The following MAGI2 variants were observed in gnomAD, a reference collection of about 807,000 sequenced individuals.
MAGI2 encodes the protein membrane-associated guanylate kinase, WW and PDZ domain-containing protein 2.
MAGI2 carries 35 observed loss-of-function variants against 133.3 expected under a neutral mutation model. The observed-to-expected ratio is 0.26, with a 90% CI of 0.20 to 0.35. The LOEUF (loss-of-function observed/expected upper bound fraction) is 0.35, where lower values mean the gene tolerates loss of function less well. MAGI2 is among the 10% of genes least tolerant of loss of function. The pLI is 1.00. For synonymous variants in MAGI2, 729 were observed against 710.6 expected (o/e 1.03, Z -0.41); for missense variants, 1,636 against 1,863.4 (o/e 0.88, Z 2.25).
intron 6 of MAGI2, among the ~76,000 whole-genome samples, chr7:78,391,486 G>T (rs1224288484): frequency 6.6e-6 from 1 of 152,132 alleles, no homozygotes; most frequent in Admixed American, 6.6e-5. Flanking sequence ...CTCTCAAAAA[G>T]TACTGCTTTT....
intron 2 of MAGI2, among the ~76,000 whole-genome samples, chr7:78,878,223 A>G (rs1310556833): frequency 6.6e-6 from 1 of 152,218 alleles, no homozygotes; most frequent in African/African-American, 2.4e-5. Flanking sequence ...TGACTTGTGC[A>G]GTCATACAAG....
At chr7:79,351,825 A>G (rs1294597016) in intron 1 of MAGI2, 1 of 152,176 alleles carries the variant, frequency 6.6e-6, no homozygotes, top group East Asian at 1.9e-4. Context: ...CATTACTTCA[A>G]TATTTTAAAG....
chr7:79,310,380 T>C (rs1838190332), intron 1 of MAGI2, among the ~76,000 whole-genome samples: 1 of 152,096 alleles, frequency 6.6e-6, no homozygotes, highest in African/African-American at 2.4e-5. Context: ...GTTCAAAATT[T>C]AGTGTGCATC....
rs544835662 is a variant in MAGI2 at position 78,179,714 on chromosome 7, C to T, written c.2312-1612G>A. 6.3e-4 allele frequency among the ~76,000 whole-genome samples: 96 copies of T among 152,298 alleles called. 2 individuals are homozygous for T. In the Middle Eastern group the frequency reaches 0.014, roughly 22 times the overall value. On this transcript the variant is annotated intron_variant, in intron 13 of 21. Transcript: ENST00000354212. ...AGAAGAATAACCAGTTAGACCTCCACATCCTTTAGAAATTATATAATCAGT... is the reference window on the plus strand; with the variant it reads ...AGAAGAATAACCAGTTAGACCTCCATATCCTTTAGAAATTATATAATCAGT...
intron 1 of MAGI2, among the ~76,000 whole-genome samples, chr7:79,296,748 G>T (rs1836962358): frequency 6.6e-6 from 1 of 152,126 alleles, no homozygotes; most frequent in Non-Finnish European, 1.5e-5. Flanking sequence ...AGGGGAGAAT[G>T]AGGAAGGTTG....
At chr7:78,521,677 A>G in intron 3 of MAGI2, 32 bp from the exon 4 acceptor site, 1 of 1,569,990 alleles carries the variant, frequency 6.4e-7, no homozygotes, top group Non-Finnish European at 8.8e-7. Flanking sequence ...TCTTGGAGTT[A>G]AATATTTCTT....
chr7:78,840,097 T>G (rs1791996757), intron 2 of MAGI2, among the ~76,000 whole-genome samples: 2 of 152,090 alleles, frequency 1.3e-5, no homozygotes, highest in African/African-American at 4.8e-5. Flanking sequence ...TAATTTTTTT[T>G]TAAATTTAGG....
At chr7:78,267,387 T>C (rs1284477824) in intron 9 of MAGI2, among the ~76,000 whole-genome samples, 1 of 152,234 alleles carries the variant, frequency 6.6e-6, no homozygotes, top group East Asian at 1.9e-4. Context: ...AGAGCCCTTC[T>C]AACTTGTTAA....
intron 6 of MAGI2, chr7:78,485,204 T>C (rs1792858301): frequency 6.6e-6 from 1 of 151,996 alleles, no homozygotes; most frequent in Non-Finnish European, 1.5e-5. Context: ...AGTGGTTAAC[T>C]GCTGTTTCTG....
At chr7:78,668,859 T>A (rs1018563434) in intron 2 of MAGI2, among the ~76,000 whole-genome samples, 1 of 151,264 alleles carries the variant, frequency 6.6e-6, no homozygotes, top group African/African-American at 2.5e-5. Context: ...AATAAGATGT[T>A]CTTTGAAACC....
At chr7:78,225,080 G>A (rs1478504494) in intron 10 of MAGI2, among the ~76,000 whole-genome samples, 1 of 152,088 alleles carries the variant, frequency 6.6e-6, no homozygotes, top group Non-Finnish European at 1.5e-5. Context: ...TCTGCACACT[G>A]CTTCCCTGGA....
At chr7:79,259,519 T>C (rs1442285260) in intron 1 of MAGI2, among the ~76,000 whole-genome samples, 2 of 152,212 alleles carry the variant, frequency 1.3e-5, no homozygotes, top group East Asian at 3.8e-4. Context: ...AACTTGTTGA[T>C]GCATTTAAAA....
chr7:78,417,169 T>C (rs1583997570), intron 6 of MAGI2, among the ~76,000 whole-genome samples: 1 of 152,202 alleles, frequency 6.6e-6, no homozygotes, highest in East Asian at 1.9e-4. Context: ...AGAGTGAAGA[T>C]TTTGCTATCT....
chr7:78,737,628 T>A (rs191996766), intron 2 of MAGI2, among the ~76,000 whole-genome samples: 45 of 152,304 alleles, frequency 3.0e-4, no homozygotes, highest in African/African-American at 1.1e-3. Flanking sequence ...GATATGAGAA[T>A]CCAGCTGTCT....
At chr7:78,693,506 C>A (rs1817187686) in intron 2 of MAGI2, among the ~76,000 whole-genome samples, 1 of 152,198 alleles carries the variant, frequency 6.6e-6, no homozygotes, top group African/African-American at 2.4e-5. Context: ...GTATTTACTA[C>A]TGGCATCACA....
At chr7:78,832,275 T>C (rs1242787065) in intron 2 of MAGI2, among the ~76,000 whole-genome samples, 1 of 152,096 alleles carries the variant, frequency 6.6e-6, no homozygotes, top group Non-Finnish European at 1.5e-5. Context: ...GAAAGGAAAA[T>C]AATACTAATT....
intron 10 of MAGI2, among the ~76,000 whole-genome samples, chr7:78,234,435 G>A (rs924802117): frequency 6.6e-6 from 1 of 151,998 alleles, no homozygotes; most frequent in African/African-American, 2.4e-5. Context: ...AGGAGGAGAG[G>A]CACAACATAA....
intron 3 of MAGI2, among the ~76,000 whole-genome samples, chr7:78,587,722 G>A (rs571222299): frequency 1.7e-4 from 26 of 152,296 alleles, no homozygotes; most frequent in Middle Eastern, 3.4e-3. Flanking sequence ...CAACTGTAGA[G>A]AGCAAATACT....
chr7:79,170,137 CTTTTTTTTT>C (rs10539344), intron 1 of MAGI2, among the ~76,000 whole-genome samples: 5 of 42,924 alleles, frequency 1.2e-4, no homozygotes, highest in Non-Finnish European at 1.7e-4. Context: ...AGATATTATA[CTTTTTTTTT>C]TTTTTTTTTT....
Sources: gnomAD v4.1 joint callset for allele counts (sites outside exome capture counted in the v4.1 genomes callset) on GRCh38, gnomAD v4.1.1 for gene constraint, MANE v1.5 for transcripts, NCBI Gene and HGNC (gene_info 2026-07-23, HGNC 2026-07-21) for gene names.